The following MME variants were observed in gnomAD, a reference collection of about 807,000 sequenced individuals.
MME encodes the protein neprilysin.
A neutral mutation model predicts 113.2 loss-of-function variants in MME; 98 were observed. The ratio of observed to expected loss-of-function variants is 0.87; its 90% CI spans 0.74 to 1.02. The LOEUF (loss-of-function observed/expected upper bound fraction) is 1.02. Ranked by LOEUF, MME falls within the 50% of genes least tolerant of loss-of-function variation. MME has a pLI of 0.00. For synonymous variants in MME, 292 were observed against 300.6 expected (o/e 0.97, Z 0.30); for missense variants, 836 against 896.0 (o/e 0.93, Z 0.86).
intron 17 of MME, among the ~76,000 whole-genome samples, chr3:155,165,982 C>T (rs1312106079): frequency 6.6e-6 from 1 of 152,120 alleles, no homozygotes; most frequent in Non-Finnish European, 1.5e-5. Flanking sequence ...CAAGTTAATG[C>T]AGATGTCAGA....
chr3:155,042,914 A>G (rs1210935558), intron 1 of MME, among the ~76,000 whole-genome samples: 37 of 44,680 alleles, frequency 8.3e-4, no homozygotes, highest in South Asian at 5.8e-3. Context: ...ATATATATAT[A>G]TATATATATA....
rs1170005741 is a variant in MME at position 155,180,486 on chromosome 3, G to A, written c.*27G>A. ...CTTCAAAAGAAGCATTGCAGCCCTT[G>A]GCTAGACTTGCCAACACCACAGAAA... On this transcript the variant is annotated 3_prime_UTR_variant, in exon 23 of 23. Transcript: ENST00000360490. The A allele has an allele frequency of 4.5e-6, 7 of 1,560,582 alleles. No individual in the cohort carries two copies. The highest frequency in any genetic ancestry group is 1.1e-5 in the South Asian group (1 of 90,026).
chr3:155,161,751 A>G (rs1308125251), intron 17 of MME, among the ~76,000 whole-genome samples: 4 of 152,180 alleles, frequency 2.6e-5, no homozygotes, highest in Non-Finnish European at 5.9e-5. Flanking sequence ...ATAAATAATA[A>G]GTAAGATATG....
chr3:155,149,507 A>G (rs187931797), intron 16 of MME, among the ~76,000 whole-genome samples: 32 of 152,242 alleles, frequency 2.1e-4, no homozygotes, highest in Admixed American at 3.9e-4. Flanking sequence ...TCATTCATGC[A>G]TTCATTTATC....
At chr3:155,084,502 G>A (rs41267903) in intron 2 of MME, 175 bp downstream of exon 2, 37 of 685,676 alleles carry the variant, frequency 5.4e-5, no homozygotes, top group African/African-American at 1.1e-4. Context: ...TTTGAAGTAC[G>A]GTGCCTTTTA....
chr3:155,172,396 A>T, intron 21 of MME, 140 bp from the exon 22 acceptor site: 1 of 826,824 alleles, frequency 1.2e-6, no homozygotes, highest in Non-Finnish European at 2.1e-6. Context: ...GTTGCCTTTC[A>T]TTGAACATTA....
chr3:155,030,561 A>G (rs1244084097), intron 1 of MME, among the ~76,000 whole-genome samples: 2 of 152,046 alleles, frequency 1.3e-5, no homozygotes, highest in East Asian at 3.9e-4. Flanking sequence ...TTTTATAAAC[A>G]CTTTATCCAG....
At chr3:155,105,678 G>A (rs1404924963) in intron 3 of MME, among the ~76,000 whole-genome samples, 1 of 152,060 alleles carries the variant, frequency 6.6e-6, no homozygotes. Context: ...TGTGAACTTG[G>A]GCACAAATCA....
intron 8 of MME, among the ~76,000 whole-genome samples, chr3:155,125,227 C>G (rs1251232873): frequency 2.0e-5 from 3 of 147,504 alleles, no homozygotes; most frequent in Non-Finnish European, 4.5e-5. Context: ...AGGGAACTCC[C>G]TGACCCCTTG....
At chr3:155,173,482 G>A (rs1203812171) in intron 22 of MME, among the ~76,000 whole-genome samples, 2 of 151,936 alleles carry the variant, frequency 1.3e-5, no homozygotes, top group Non-Finnish European at 1.5e-5. Flanking sequence ...AAACACATTC[G>A]ATTATGGAGA....
intron 16 of MME, among the ~76,000 whole-genome samples, chr3:155,155,099 G>C (rs74989912): frequency 6.6e-6 from 1 of 152,104 alleles, no homozygotes; most frequent in African/African-American, 2.4e-5. Flanking sequence ...TTAGCAAAAT[G>C]TGTTCTATTG....
At position 155,047,803 on chromosome 3, in the gene MME, G is replaced by C. The variant is rs572865186; in HGVS notation, c.-11+23479G>C. Among the ~76,000 whole-genome samples, 44 of 152,164 alleles carry C rather than the reference G, an allele frequency of 2.9e-4. No individual in the cohort carries two copies. In the South Asian group the frequency reaches 8.9e-3, roughly 31 times the overall value. The stretch of plus-strand genomic sequence containing the variant: ...ATGGATTGGGTAGACTATGGTTTCT[G>C]TTTTAAGTATCTGTAGAAGCCAGTC... On this transcript the variant is annotated intron_variant, in intron 1 of 22. Transcript: ENST00000492661.
chr3:155,160,635 T>G (rs1379760225), intron 17 of MME, among the ~76,000 whole-genome samples, 187 bp downstream of exon 17: 1 of 152,082 alleles, frequency 6.6e-6, no homozygotes, highest in Non-Finnish European at 1.5e-5. Context: ...AAATTCAGAT[T>G]GGTACAAATC....
At chr3:155,113,938 A>G (rs1166056365) in intron 3 of MME, among the ~76,000 whole-genome samples, 1 of 152,192 alleles carries the variant, frequency 6.6e-6, no homozygotes, top group East Asian at 1.9e-4. Context: ...ACAAGCAAAC[A>G]TGCCAAAAAA....
At chr3:155,160,825 G>A (rs1722666142) in intron 17 of MME, among the ~76,000 whole-genome samples, 1 of 151,966 alleles carries the variant, frequency 6.6e-6, no homozygotes, top group Non-Finnish European at 1.5e-5. Flanking sequence ...GTGGTTTAAG[G>A]TTTCAAGAGC....
At chr3:155,084,521 CTAAGT>C (rs1715483555) in intron 2 of MME, among the ~76,000 whole-genome samples, 194 bp downstream of exon 2, 1 of 152,154 alleles carries the variant, frequency 6.6e-6, no homozygotes, top group Non-Finnish European at 1.5e-5. Flanking sequence ...TATGTTTGAG[CTAAGT>C]TATTAATTGC....
intron 1 of MME, among the ~76,000 whole-genome samples, chr3:155,041,765 T>G (rs1348304677): frequency 6.6e-6 from 1 of 152,126 alleles, no homozygotes; most frequent in Non-Finnish European, 1.5e-5. Flanking sequence ...TAATAGAAGA[T>G]AAAGAGCTAG....
At chr3:155,142,778 A>G (rs2108313938) in intron 12 of MME, among the ~76,000 whole-genome samples, 1 of 152,282 alleles carries the variant, frequency 6.6e-6, no homozygotes, top group Non-Finnish European at 1.5e-5. Flanking sequence ...TTCTTAGCCT[A>G]TACCTATATT....
intron 1 of MME, among the ~76,000 whole-genome samples, chr3:155,062,984 G>A (rs1250290388): frequency 1.1e-4 from 15 of 141,632 alleles, no homozygotes; most frequent in Admixed American, 7.4e-4. Flanking sequence ...GCAGTGAGCC[G>A]AGATAGTGCC....
Sources: allele counts gnomAD v4.1 joint callset (sites outside exome capture counted in the v4.1 genomes callset), GRCh38; gene constraint gnomAD v4.1.1; transcripts MANE v1.5; gene names NCBI Gene and HGNC (gene_info 2026-07-23, HGNC 2026-07-21).